RIMBP2: variants seen among roughly 807,000 people sequenced by gnomAD.
The protein encoded by RIMBP2 is RIMS-binding protein 2.
RIMBP2 carries 48 observed loss-of-function variants against 118.6 expected under a neutral mutation model. The ratio of observed to expected loss-of-function variants is 0.40; its 90% CI spans 0.32 to 0.51. The LOEUF (loss-of-function observed/expected upper bound fraction) is 0.51, where lower values mean the gene tolerates loss of function less well. RIMBP2 is among the 20% of genes least tolerant of loss of function. RIMBP2 has a pLI of 0.41. For missense variants in RIMBP2, 1,551 were observed against 1,768.3 expected, an observed-to-expected ratio of 0.88 and a Z score of 2.20; for synonymous variants, 762 against 742.9, an observed-to-expected ratio of 1.03 and a Z score of -0.42.
chr12:130,560,503 C>T (rs1194627704), intron 2 of RIMBP2, among the ~76,000 whole-genome samples: 1 of 152,150 alleles, frequency 6.6e-6, no homozygotes, highest in African/African-American at 2.4e-5. Flanking sequence ...AGACATTGTT[C>T]TCTGGGAGGC....
intron 6 of RIMBP2, among the ~76,000 whole-genome samples, chr12:130,461,753 C>T (rs573694857): frequency 4.6e-5 from 7 of 152,200 alleles, no homozygotes; most frequent in African/African-American, 1.7e-4. Context: ...TCTCAGCACA[C>T]GACACGCCTG....
chr12:130,636,231 C>T (rs2062339269), intron 1 of RIMBP2, among the ~76,000 whole-genome samples: 1 of 152,192 alleles, frequency 6.6e-6, no homozygotes, highest in Non-Finnish European at 1.5e-5. Flanking sequence ...TCACTTCGCC[C>T]AGGAAGCCCT....
chr12:130,709,038 G>A (rs1949703694), intron 1 of RIMBP2, among the ~76,000 whole-genome samples: 1 of 152,276 alleles, frequency 6.6e-6, no homozygotes, highest in African/African-American at 2.4e-5. Flanking sequence ...CAGAAGGGCT[G>A]TGTCATGCAT....
At chr12:130,632,629 G>A (rs901851917) in intron 1 of RIMBP2, among the ~76,000 whole-genome samples, 17 of 152,146 alleles carry the variant, frequency 1.1e-4, no homozygotes, top group Non-Finnish European at 1.9e-4. Context: ...AGGCTAAGGG[G>A]CTTTAATATC....
At chr12:130,538,354 C>T (rs575050079) in intron 2 of RIMBP2, among the ~76,000 whole-genome samples, 2 of 151,926 alleles carry the variant, frequency 1.3e-5, no homozygotes, top group South Asian at 2.1e-4. Context: ...CACAATTAGC[C>T]GTAAACGTCC....
Position 130,519,202 on chromosome 12 carries a change from C to T in RIMBP2, c.-216-1285G>A, listed in dbSNP as rs147923006. Among the ~76,000 whole-genome samples, 18 of 152,366 alleles carry T rather than the reference C, an allele frequency of 1.2e-4. No homozygotes were observed. The East Asian group carries it at 1.9e-3, about 16-fold the overall frequency. On this transcript the variant is annotated intron_variant, in intron 2 of 22. Transcript: ENST00000690449. The stretch of plus-strand genomic sequence containing the variant: ...GAGTGCTCAGAGTCTAGGCTCCATT[C>T]ACACATCAGAAAAGCAGCAAGAAAT...
chr12:130,485,880 C>G (rs949173651), intron 4 of RIMBP2, among the ~76,000 whole-genome samples: 1 of 152,186 alleles, frequency 6.6e-6, no homozygotes, highest in East Asian at 1.9e-4. Flanking sequence ...CTTTGCATTT[C>G]TACGGTTAAT....
chr12:130,696,557 T>C (rs537275147), intron 1 of RIMBP2, among the ~76,000 whole-genome samples: 1 of 152,360 alleles, frequency 6.6e-6, no homozygotes, highest in East Asian at 1.9e-4. Context: ...AATTTCTAGC[T>C]AGATAGCTGA....
chr12:130,649,690 T>C (rs1222286161), intron 1 of RIMBP2, among the ~76,000 whole-genome samples: 2 of 152,234 alleles, frequency 1.3e-5, no homozygotes, highest in African/African-American at 4.8e-5. Flanking sequence ...GCCTGGATTT[T>C]CCCACTTTCA....
intron 2 of RIMBP2, among the ~76,000 whole-genome samples, chr12:130,546,623 A>C (rs568529448): frequency 1.3e-5 from 2 of 152,170 alleles, no homozygotes; most frequent in South Asian, 2.1e-4. Flanking sequence ...ACGTTCTTCA[A>C]AGATTAGAAA....
intron 1 of RIMBP2, among the ~76,000 whole-genome samples, chr12:130,649,407 G>A (rs2063128987): frequency 1.3e-5 from 2 of 152,238 alleles, no homozygotes; most frequent in South Asian, 4.1e-4. Context: ...CATCCAGCCA[G>A]TGGGGTACTG....
intron 6 of RIMBP2, among the ~76,000 whole-genome samples, chr12:130,458,050 C>T (rs1267571756): frequency 6.6e-6 from 1 of 151,692 alleles, no homozygotes; most frequent in Non-Finnish European, 1.5e-5. Context: ...GAGCAAAGGG[C>T]TCAGCAACAG....
At chr12:130,403,124 T>G (rs545159595) in intron 21 of RIMBP2, among the ~76,000 whole-genome samples, 2 of 152,210 alleles carry the variant, frequency 1.3e-5, no homozygotes, top group African/African-American at 2.4e-5. Context: ...TTGAATTCGC[T>G]CTCTCGAGAT....
At chr12:130,414,913 A>G (rs759888396) in intron 17 of RIMBP2, among the ~76,000 whole-genome samples, 22 of 152,204 alleles carry the variant, frequency 1.4e-4, no homozygotes, top group African/African-American at 1.7e-4. Context: ...TCAGGAAGAA[A>G]TCGAAACCCT....
At chr12:130,512,090 A>C (rs2050971082) in intron 3 of RIMBP2, among the ~76,000 whole-genome samples, 1 of 152,332 alleles carries the variant, frequency 6.6e-6, no homozygotes, top group East Asian at 1.9e-4. Context: ...CACTAAATTA[A>C]AACACGATAA....
intron 1 of RIMBP2, among the ~76,000 whole-genome samples, 168 bp from the exon 2 acceptor site, chr12:130,628,624 C>T (rs1211164361): frequency 1.3e-5 from 2 of 152,192 alleles, no homozygotes; most frequent in Non-Finnish European, 2.9e-5. Context: ...AGATTTGAAA[C>T]TGAACTCATG....
At chr12:130,708,159 C>G (rs1038597024) in intron 1 of RIMBP2, among the ~76,000 whole-genome samples, 3 of 152,134 alleles carry the variant, frequency 2.0e-5, no homozygotes, top group Admixed American at 6.5e-5. Flanking sequence ...TAGTATGATT[C>G]TGTTCACGTA....
intron 2 of RIMBP2, among the ~76,000 whole-genome samples, chr12:130,562,595 C>T (rs568658193): frequency 6.6e-6 from 1 of 152,322 alleles, no homozygotes; most frequent in Admixed American, 6.5e-5. Flanking sequence ...CATCTATGAG[C>T]CTCTCCTCTT....
chr12:130,624,029 T>C lies in RIMBP2; in HGVS notation c.-217+4293A>G, dbSNP rs147257458. Among the ~76,000 whole-genome samples, 79 of 152,314 alleles carry C rather than the reference T, an allele frequency of 5.2e-4. 1 individual carries two copies. In the East Asian group the frequency reaches 0.014, roughly 28 times the overall value. On this transcript the variant is annotated intron_variant, in intron 2 of 22. Transcript: ENST00000690449. ...TCCCATGAAACCACTTTTGCTGGAA[T>C]ACTTATCTTGGGCTTGCTCTAGGAG...
Sources: allele counts gnomAD v4.1 joint callset (sites outside exome capture counted in the v4.1 genomes callset), GRCh38; gene constraint gnomAD v4.1.1; transcripts MANE v1.5; gene names NCBI Gene and HGNC (gene_info 2026-07-23, HGNC 2026-07-21).